The following COL9A3 variants were observed in gnomAD, a reference collection of about 807,000 sequenced individuals.
COL9A3 encodes the protein collagen type IX alpha 3 chain.
A neutral mutation model predicts 110.2 loss-of-function variants in COL9A3; 82 were observed. The ratio of observed to expected loss-of-function variants is 0.74; its 90% CI spans 0.62 to 0.89. The LOEUF (loss-of-function observed/expected upper bound fraction) is 0.89. Among genes scored for constraint, COL9A3 ranks in the 40% least tolerant of loss-of-function variants. The pLI, the probability that COL9A3 is intolerant of heterozygous loss-of-function variation, is 0.00. For synonymous variants in COL9A3, 494 were observed against 403.8 expected (o/e 1.22, Z -2.68); for missense variants, 1,066 against 981.3 (o/e 1.09, Z -1.15).
chr20:62,837,388 CCT>C, intron 30 of COL9A3, 123 bp downstream of exon 30: 2 of 1,053,264 alleles, frequency 1.9e-6, no homozygotes, highest in Non-Finnish European at 2.8e-6. Flanking sequence ...AACGTGGGGG[CCT>C]CTCATGTTTT....
In COL9A3 at chr20:62,833,156, T is replaced by C. The variant is rs541966131; in HGVS notation, c.1368+92T>C. On this transcript the variant is annotated intron_variant, in intron 26 of 31. Coordinates refer to ENST00000649368, the MANE Select transcript of COL9A3 (RefSeq NM_001853.4). ...CAGTCCTGGGGACAGGGTCAAAATC[T>C]GCAGCTCCCGGTGGAAGATCGGCAG... 2.6e-4 allele frequency: 275 copies of C among 1,050,340 alleles called. No homozygotes were observed. In the African/African-American group the frequency reaches 4.0e-3, roughly 15 times the overall value. The allele number at this position is 1,050,340 out of a possible 1,614,324, so 65.1% of individuals were successfully genotyped here.
Position 62,840,557 on chromosome 20 carries a change from C to T in COL9A3, c.1880C>T (p.Pro627Leu). ...DQGPQGPQGV[P>L]GTSKDGQDGA... ...CTGTCCCAAGGACCCCAAGGCGTGC[C>T]CGGCACCAGCAAGGACGGCCAGGAC... The change falls in exon 32 of 32, where the codon CCC (proline) becomes CTC (leucine). Residue 627 changes from proline to leucine, a missense_variant. Transcript: ENST00000649368. 3 of 1,612,074 alleles carry T rather than the reference C, an allele frequency of 1.9e-6. No homozygotes were observed. The highest frequency in any genetic ancestry group is 2.5e-6 in the Non-Finnish European group (3 of 1,179,818).
At chr20:62,835,606 G>C (rs976358892) in intron 26 of COL9A3, among the ~76,000 whole-genome samples, 1 of 152,206 alleles carries the variant, frequency 6.6e-6, no homozygotes, top group Non-Finnish European at 1.5e-5. Context: ...TTAGGGCAGA[G>C]AGGTTCAGCC....
chr20:62,830,626 C>T (rs746058747), intron 24 of COL9A3, 38 bp downstream of exon 24: 1 of 1,478,706 alleles, frequency 6.8e-7, no homozygotes, highest in South Asian at 1.2e-5. Context: ...CCCTGCACCC[C>T]CTCTACCCAT....
At chr20:62,832,922 C>T in intron 25 of COL9A3, 98 bp from the exon 26 acceptor site, 2 of 1,165,136 alleles carry the variant, frequency 1.7e-6, no homozygotes, top group Non-Finnish European at 2.6e-6. Context: ...TTAAGATGAA[C>T]ATTACACCTA....
At position 62,826,081 on chromosome 20, in the gene COL9A3, C is replaced by T. The variant is rs2063549747; in HGVS notation, c.685-123C>T. 7.5e-6 allele frequency: 9 copies of T among 1,194,278 alleles called. No homozygotes were observed. The Admixed American group carries it at 8.0e-5, about 11-fold the overall frequency. The allele number at this position is 1,194,278 out of a possible 1,614,324, so 74.0% of individuals were successfully genotyped here. On this transcript the variant is annotated intron_variant, in intron 13 of 31. Transcript: ENST00000649368. ...GCCCCCTCCCTCTGGGGGACCTGAGCTGAGGCTGAGGGCTCATGGAAGACA... is the reference window on the plus strand; with the variant it reads ...GCCCCCTCCCTCTGGGGGACCTGAGTTGAGGCTGAGGGCTCATGGAAGACA...
intron 2 of COL9A3, 46 bp from the exon 3 acceptor site, chr20:62,818,469 TGAG>T: frequency 6.3e-7 from 1 of 1,585,704 alleles, no homozygotes; most frequent in Non-Finnish European, 8.7e-7. Flanking sequence ...GCGGGGTTCT[TGAG>T]GGACCCCTGA....
chr20:62,840,410 C>T (rs1210983535), intron 31 of COL9A3, 132 bp from the exon 32 acceptor site: 17 of 887,008 alleles, frequency 1.9e-5, no homozygotes, highest in Non-Finnish European at 3.0e-5. Flanking sequence ...CTCGGCCTCC[C>T]CACCCGCTGT....
Position 62,836,510 on chromosome 20 carries a change from G to A in COL9A3, c.1581G>A (p.Glu527=). The part of the protein sequence containing the change: ...GKEASEQRIR[E]LCGGMISEQI... Reference sequence around the variant, plus strand: ...AGGCCAGCGAGCAGCGCATCAGGGAGCTGTGTGGGGGGATGATCAGCGGTA... The same window carrying A: ...AGGCCAGCGAGCAGCGCATCAGGGAACTGTGTGGGGGGATGATCAGCGGTA... The change falls in exon 29 of 32, where the codon GAG becomes GAA. Residue 527 remains glutamate, a synonymous_variant. Transcript: ENST00000649368. The A allele has an allele frequency of 6.2e-7, 1 of 1,612,904 alleles. No homozygotes were observed. The highest frequency in any genetic ancestry group is 8.5e-7 in the Non-Finnish European group (1 of 1,179,520).
intron 15 of COL9A3, 96 bp from the exon 16 acceptor site, chr20:62,827,145 G>T (rs2063559646): frequency 5.8e-6 from 7 of 1,216,998 alleles, no homozygotes; most frequent in Non-Finnish European, 7.2e-6. Flanking sequence ...ACTCCTGGAG[G>T]GCTGTCCCCC....
intron 2 of COL9A3, chr20:62,817,935 A>G (rs1568746643): frequency 4.0e-6 from 2 of 494,432 alleles, no homozygotes; most frequent in Non-Finnish European, 7.8e-6. Context: ...CTCTGGCTGA[A>G]GTGGGGAGAG....
intron 9 of COL9A3, among the ~76,000 whole-genome samples, 154 bp downstream of exon 9, chr20:62,822,318 G>A (rs984888636): frequency 2.6e-5 from 4 of 152,148 alleles, no homozygotes; most frequent in Non-Finnish European, 4.4e-5. Context: ...TGGGGGCAGT[G>A]GCTGTGGCTA....
chr20:62,840,792 G>A lies in COL9A3; in HGVS notation c.*60G>A, dbSNP rs577483777. 183 of 1,540,376 alleles carry A rather than the reference G, an allele frequency of 1.2e-4. No individual in the cohort carries two copies. The highest frequency in any genetic ancestry group is 1.6e-4 in the Non-Finnish European group (177 of 1,137,496). ...CGAAGCACAGTGGACGGTCATGAAG[G>A]AGCGGGGGTGTGGCAGGCGGGTGAC... On this transcript the variant is annotated 3_prime_UTR_variant, in exon 32 of 32. Coordinates refer to ENST00000649368, the MANE Select transcript of COL9A3 (RefSeq NM_001853.4).
Position 62,835,916 on chromosome 20 carries a change from C to G in COL9A3, c.1369-5C>G. 2 of 1,614,242 alleles carry G rather than the reference C, an allele frequency of 1.2e-6. No individual in the cohort carries two copies. The highest frequency in any genetic ancestry group is 1.7e-6 in the Non-Finnish European group (2 of 1,180,038). ...AGTTCAAACACACAACTTTTCTCTT[C>G]ACAGGGTCCCAGCGGCCTGGTCGGA... On this transcript the variant is annotated splice_region_variant and splice_polypyrimidine_tract_variant and intron_variant, in intron 26 of 31. Transcript: ENST00000649368.
chr20:62,823,501 C>T (rs2063526813), intron 10 of COL9A3, among the ~76,000 whole-genome samples: 1 of 152,244 alleles, frequency 6.6e-6, no homozygotes, highest in Non-Finnish European at 1.5e-5. Context: ...ACGCTGTCTA[C>T]CAGCCTCTCT....
intron 19 of COL9A3, 98 bp from the exon 20 acceptor site, chr20:62,829,357 A>G: frequency 6.6e-7 from 1 of 1,515,902 alleles, no homozygotes; most frequent in South Asian, 1.2e-5. Context: ...GGGTGCACTC[A>G]CTCTGGCCCC....
Position 62,825,038 on chromosome 20 carries a change from G to T in COL9A3, c.630+17G>T, listed in dbSNP as rs769279610. On this transcript the variant is annotated intron_variant, in intron 12 of 31. Coordinates refer to ENST00000649368, the MANE Select transcript of COL9A3 (RefSeq NM_001853.4). ...GGCGAGAAGGTGAAGCTGCCGCACA[G>T]CAGCTGGGGAGGAGCTGGGGACTGG... 1.2e-6 allele frequency: 2 copies of T among 1,605,020 alleles called. No individual in the cohort carries two copies. The highest frequency in any genetic ancestry group is 2.2e-5 in the South Asian group (2 of 90,090).
At chr20:62,826,422 C>T (rs1329190095) in intron 14 of COL9A3, among the ~76,000 whole-genome samples, 165 bp downstream of exon 14, 1 of 152,190 alleles carries the variant, frequency 6.6e-6, no homozygotes, top group Non-Finnish European at 1.5e-5. Flanking sequence ...CCCCTGTTCT[C>T]GCATGTGCCT....
intron 10 of COL9A3, among the ~76,000 whole-genome samples, chr20:62,823,747 C>G (rs982350208): frequency 6.6e-6 from 1 of 152,240 alleles, no homozygotes; most frequent in Non-Finnish European, 1.5e-5. Context: ...CTCACAGTGC[C>G]CCTCCTAAAA....
Sources: gnomAD v4.1 joint callset for allele counts (sites outside exome capture counted in the v4.1 genomes callset) on GRCh38, gnomAD v4.1.1 for gene constraint, MANE v1.5 for transcripts, NCBI Gene and HGNC (gene_info 2026-07-23, HGNC 2026-07-21) for gene names.